The following CTSH variants were observed in gnomAD, a reference collection of about 807,000 sequenced individuals.
The protein encoded by CTSH is cathepsin H.
Under a neutral mutation model 56.3 loss-of-function variants are expected in CTSH, and 52 were observed. The ratio of observed to expected loss-of-function variants is 0.92; its 90% CI spans 0.74 to 1.16. CTSH has a LOEUF of 1.16. CTSH is among the 50% of genes most tolerant of loss of function. The pLI is 0.00. For synonymous variants in CTSH, 174 were observed against 155.7 expected (o/e 1.12, Z -0.88); for missense variants, 406 against 424.5 (o/e 0.96, Z 0.38).
chr15:78,944,576 C>A, intron 1 of CTSH: 1 of 292,456 alleles, frequency 3.4e-6, no homozygotes, highest in Non-Finnish European at 6.4e-6. Context: ...GTGTGACACT[C>A]TGTGTCCCCA....
Position 78,935,718 on chromosome 15 carries a change from CAA to C in CTSH, c.260_261del (p.Phe87CysfsTer2), listed in dbSNP as rs777707691. ...CAGAGATACTTGTGTTTTATTTCAG[CAA>C]AGCTCATGTCTGAAAATTGGTTCAG... ...MALNQFSDMS[F>X]AEIKHKYLWS... On this transcript the variant is annotated frameshift_variant, in exon 4 of 12. Coordinates refer to ENST00000220166, the MANE Select transcript of CTSH (RefSeq NM_004390.5). LOFTEE classifies it high-confidence loss of function. 1.2e-6 allele frequency: 2 copies of C among 1,611,098 alleles called. No individual in the cohort carries two copies.
At chr15:78,926,815 T>G (rs2054912987) in intron 9 of CTSH, 1 of 152,230 alleles carries the variant, frequency 6.6e-6, no homozygotes, top group African/African-American at 2.4e-5. Context: ...ACTCATCTCC[T>G]AGGGCCAGTT....
intron 8 of CTSH, 70 bp from the exon 9 acceptor site, chr15:78,927,851 A>G (rs1380140211): frequency 3.5e-5 from 45 of 1,294,864 alleles, no homozygotes; most frequent in Non-Finnish European, 4.0e-5. Context: ...ACGCAGTTCA[A>G]TAACATTTAC....
At chr15:78,929,554 G>T in intron 7 of CTSH, 61 bp from the exon 8 acceptor site, 1 of 1,221,930 alleles carries the variant, frequency 8.2e-7, no homozygotes, top group Non-Finnish European at 1.2e-6. Context: ...CGGGGCCCTC[G>T]GGGACTGGCG....
At chr15:78,933,735 G>A (rs911600339) in intron 5 of CTSH, 4 of 286,454 alleles carry the variant, frequency 1.4e-5, no homozygotes, top group African/African-American at 8.7e-5. Context: ...ACTTACCTTG[G>A]ACCTCAGGCA....
rs759612129 is a variant in CTSH, at chr15:78,927,804, G to C, written c.631-23C>G. On this transcript the variant is annotated intron_variant, in intron 8 of 11. Transcript: ENST00000220166. ...ATCCTGTTGAGGATGCAAAGGGCAT[G>C]AAATACAGGTTATGGACCCGAAGTC... The C allele has an allele frequency of 3.5e-5, 57 of 1,608,102 alleles. No individual in the cohort carries two copies. In the Admixed American group the frequency reaches 9.3e-4, roughly 26 times the overall value.
intron 1 of CTSH, among the ~76,000 whole-genome samples, chr15:78,944,256 G>A (rs1486209253): frequency 2.6e-5 from 4 of 152,226 alleles, no homozygotes; most frequent in Non-Finnish European, 1.5e-5. Context: ...CTGAGCCCGG[G>A]CAGTAGACAG....
intron 3 of CTSH, 103 bp downstream of exon 3, chr15:78,937,215 C>T (rs1254536348): frequency 1.2e-5 from 10 of 864,540 alleles, no homozygotes; most frequent in East Asian, 2.4e-5. Flanking sequence ...GCTTCAGAGC[C>T]TGGGCTTCTG....
chr15:78,927,566 C>T (rs780725991), intron 9 of CTSH, 147 bp downstream of exon 9: 284 of 680,856 alleles, frequency 4.2e-4, no homozygotes, highest in Non-Finnish European at 6.4e-4. Context: ...ACCATCACAG[C>T]GACTGAGACC....
intron 3 of CTSH, 79 bp downstream of exon 3, chr15:78,937,239 C>T: frequency 8.4e-7 from 1 of 1,194,756 alleles, no homozygotes; most frequent in East Asian, 2.3e-5. Flanking sequence ...CCTCCACCCA[C>T]CAGCCCCCAG....
intron 9 of CTSH, chr15:78,927,482 T>C: frequency 1.7e-6 from 1 of 572,716 alleles, no homozygotes; most frequent in East Asian, 2.9e-5. Flanking sequence ...AATGAAGGCA[T>C]GTGTGGATCT....
intron 10 of CTSH, among the ~76,000 whole-genome samples, chr15:78,924,615 C>T (rs1394422275): frequency 6.6e-6 from 1 of 152,036 alleles, no homozygotes; most frequent in Non-Finnish European, 1.5e-5. Context: ...GGGGTGACTC[C>T]TCCAGCACAG....
intron 3 of CTSH, among the ~76,000 whole-genome samples, chr15:78,936,864 G>T (rs970852639): frequency 6.6e-5 from 10 of 152,132 alleles, no homozygotes; most frequent in Non-Finnish European, 1.3e-4. Flanking sequence ...CCCAACCTCA[G>T]GTGATCCACC....
At chr15:78,944,288 T>C (rs1011278650) in intron 1 of CTSH, among the ~76,000 whole-genome samples, 4 of 152,230 alleles carry the variant, frequency 2.6e-5, no homozygotes, top group Non-Finnish European at 5.9e-5. Flanking sequence ...AGCACGAAGC[T>C]GGACCAGTCG....
chr15:78,937,012 C>G (rs1038260548), intron 3 of CTSH: 5 of 347,866 alleles, frequency 1.4e-5, no homozygotes, highest in South Asian at 3.1e-5. Context: ...ACCCCTACCC[C>G]CCGCAACAAT....
intron 1 of CTSH, among the ~76,000 whole-genome samples, chr15:78,941,029 C>A (rs948773122): frequency 2.2e-4 from 33 of 152,178 alleles, no homozygotes; most frequent in Non-Finnish European, 7.4e-5. Context: ...GAACACCTAT[C>A]TCCATCCCCA....
chr15:78,934,574 G>C (rs1380611511), intron 5 of CTSH, among the ~76,000 whole-genome samples: 1 of 152,254 alleles, frequency 6.6e-6, no homozygotes, highest in Non-Finnish European at 1.5e-5. Context: ...TAACCAGAGG[G>C]AGGCGGCCAG....
At chr15:78,937,229 C>A in intron 3 of CTSH, 89 bp downstream of exon 3, 1 of 1,049,690 alleles carries the variant, frequency 9.5e-7, no homozygotes, top group South Asian at 1.3e-5. Flanking sequence ...GCTTCTGCTC[C>A]CTCCACCCAC....
chr15:78,923,681 T>C (rs527824586), intron 10 of CTSH, among the ~76,000 whole-genome samples: 2 of 152,192 alleles, frequency 1.3e-5, no homozygotes, highest in East Asian at 3.8e-4. Flanking sequence ...ACTCCCTCTT[T>C]CCTGGCAAGG....
Sources: allele counts gnomAD v4.1 joint callset (sites outside exome capture counted in the v4.1 genomes callset), GRCh38; gene constraint gnomAD v4.1.1; transcripts MANE v1.5; gene names NCBI Gene and HGNC (gene_info 2026-07-23, HGNC 2026-07-21).